The following LRP6 variants were observed in gnomAD, a reference collection of about 807,000 sequenced individuals.
LRP6 encodes LDL receptor related protein 6.
In LRP6, 43 loss-of-function variants were observed where a neutral mutation model predicts 184.1. The observed-to-expected ratio is 0.23, with a 90% CI of 0.18 to 0.30. The LOEUF (loss-of-function observed/expected upper bound fraction) is 0.30, where lower values mean the gene tolerates loss of function less well. Ranked by LOEUF, LRP6 falls within the 10% of genes least tolerant of loss-of-function variation. The pLI is 1.00. For synonymous variants in LRP6, 719 were observed against 684.9 expected (o/e 1.05, Z -0.78); for missense variants, 1,571 against 2,005.3 (o/e 0.78, Z 4.14).
intron 9 of LRP6, 43 bp downstream of exon 9, chr12:12,164,230 C>T: frequency 6.4e-7 from 1 of 1,567,318 alleles, no homozygotes. Context: ...TAGAAGTTCT[C>T]CCTTTTAGTC....
intron 3 of LRP6, among the ~76,000 whole-genome samples, chr12:12,193,234 G>A (rs893077087): frequency 1.3e-5 from 2 of 151,708 alleles, no homozygotes; most frequent in Admixed American, 6.6e-5. Flanking sequence ...ATATGGAAAC[G>A]TATATAGAAT....
chr12:12,129,254 T>C (rs922172022), intron 19 of LRP6, among the ~76,000 whole-genome samples: 1 of 152,216 alleles, frequency 6.6e-6, no homozygotes, highest in Non-Finnish European at 1.5e-5. Flanking sequence ...AACTTCTGTA[T>C]TGCTTGACCA....
At chr12:12,254,852 TG>T (rs1215579404) in intron 1 of LRP6, among the ~76,000 whole-genome samples, 1 of 152,190 alleles carries the variant, frequency 6.6e-6, no homozygotes, top group Non-Finnish European at 1.5e-5. Context: ...TAGAATATTT[TG>T]GGAACTTCAA....
chr12:12,145,538 C>T (rs1483954053), intron 15 of LRP6, among the ~76,000 whole-genome samples: 2 of 146,980 alleles, frequency 1.4e-5, no homozygotes, highest in African/African-American at 5.0e-5. Flanking sequence ...CTCCCTCCCC[C>T]TTCTCTCTTT....
chr12:12,198,405 T>C (rs1440198699), intron 3 of LRP6, among the ~76,000 whole-genome samples: 1 of 152,126 alleles, frequency 6.6e-6, no homozygotes, highest in East Asian at 1.9e-4. Context: ...AAATTTTTCC[T>C]CCTTTTCAAC....
At chr12:12,227,469 G>A (rs953366093) in intron 2 of LRP6, among the ~76,000 whole-genome samples, 60 of 150,336 alleles carry the variant, frequency 4.0e-4, no homozygotes, top group Non-Finnish European at 8.0e-4. Flanking sequence ...GTGCAACAGC[G>A]CAATCTCGCC....
chr12:12,233,779 T>G (rs1864854610), intron 2 of LRP6, among the ~76,000 whole-genome samples: 1 of 152,008 alleles, frequency 6.6e-6, no homozygotes, highest in Non-Finnish European at 1.5e-5. Flanking sequence ...CTAGAAAAAA[T>G]ATTTTTTAGA....
chr12:12,186,108 A>C (rs1008512253), intron 4 of LRP6, among the ~76,000 whole-genome samples: 1 of 152,096 alleles, frequency 6.6e-6, no homozygotes, highest in Non-Finnish European at 1.5e-5. Flanking sequence ...TTGGCCTCCC[A>C]AAGTGTGGGA....
intron 1 of LRP6, among the ~76,000 whole-genome samples, chr12:12,257,609 T>A (rs756905278): frequency 4.0e-5 from 5 of 124,394 alleles, no homozygotes; most frequent in South Asian, 2.6e-4. Flanking sequence ...AAGTACTTGA[T>A]AGAAAGGGCT....
At chr12:12,235,072 T>A (rs1864898579) in intron 2 of LRP6, among the ~76,000 whole-genome samples, 1 of 152,170 alleles carries the variant, frequency 6.6e-6, no homozygotes, top group South Asian at 2.1e-4. Context: ...ATTTTTGTAT[T>A]ATTTTTTACT....
At chr12:12,221,993 T>C (rs558076309) in intron 2 of LRP6, among the ~76,000 whole-genome samples, 4 of 152,330 alleles carry the variant, frequency 2.6e-5, no homozygotes, top group East Asian at 1.9e-4. Context: ...TATGTACTTA[T>C]ACCCTTCCAC....
At chr12:12,140,005 T>C (rs934148560) in intron 15 of LRP6, among the ~76,000 whole-genome samples, 3 of 152,106 alleles carry the variant, frequency 2.0e-5, no homozygotes, top group African/African-American at 4.8e-5. Flanking sequence ...GGAGTACTAA[T>C]TGAAAATATG....
At chr12:12,229,370 C>CAAAAAAAAA in intron 2 of LRP6, among the ~76,000 whole-genome samples, 1 of 61,384 alleles carries the variant, frequency 1.6e-5, no homozygotes, top group Non-Finnish European at 3.8e-5. Flanking sequence ...AACTCCATTT[C>CAAAAAAAAA]AAAAAAAAAA....
chr12:12,218,782 C>T (rs1029846190), intron 2 of LRP6, among the ~76,000 whole-genome samples: 4 of 151,976 alleles, frequency 2.6e-5, no homozygotes, highest in African/African-American at 4.8e-5. Flanking sequence ...TAAGCTATGA[C>T]CATGCCACTG....
At chr12:12,175,239 C>T (rs2136975406) in intron 7 of LRP6, among the ~76,000 whole-genome samples, 1 of 151,866 alleles carries the variant, frequency 6.6e-6, no homozygotes, top group South Asian at 2.1e-4. Context: ...AAATACAAAA[C>T]TTAGCTAGGC....
intron 2 of LRP6, among the ~76,000 whole-genome samples, chr12:12,231,666 A>C (rs966880013): frequency 6.6e-6 from 1 of 151,820 alleles, no homozygotes; most frequent in Non-Finnish European, 1.5e-5. Flanking sequence ...AAGTTTTTAG[A>C]TCAGCCCAGG....
chr12:12,120,021 A>C lies in LRP6; in HGVS notation c.*1105T>G, dbSNP rs1949580515. ...TATATATATATATATATATATATATATATATATATATATATATATATAAAT... is the reference window on the plus strand; with the variant it reads ...TATATATATATATATATATATATATCTATATATATATATATATATATAAAT... On this transcript the variant is annotated 3_prime_UTR_variant, in exon 23 of 23. Transcript: ENST00000261349. 9.1e-6 allele frequency: 1 copy of C among 110,272 alleles called. No homozygotes were observed. Among genetic ancestry groups the C allele is most frequent in the African/African-American group, 3.1e-5 (1 of 32,360 alleles). 6.8% of individuals were successfully genotyped at this position (110,272 alleles called of 1,614,324 possible). A position where few individuals can be genotyped will look rare whatever the true frequency, so the allele number is the denominator to read the frequency against.
intron 12 of LRP6, chr12:12,155,396 G>T: frequency 1.2e-6 from 1 of 805,558 alleles, no homozygotes; most frequent in South Asian, 1.3e-5. Flanking sequence ...TCAAGGGAAT[G>T]GGTACTGTTC....
intron 7 of LRP6, among the ~76,000 whole-genome samples, chr12:12,178,022 A>ATG (rs904265410): frequency 3.3e-5 from 5 of 152,080 alleles, no homozygotes; most frequent in African/African-American, 7.2e-5. Context: ...ATGTGTCTGT[A>ATG]TGTATATATA....
Sources: allele counts gnomAD v4.1 joint callset (sites outside exome capture counted in the v4.1 genomes callset), GRCh38; gene constraint gnomAD v4.1.1; transcripts MANE v1.5; gene names NCBI Gene and HGNC (gene_info 2026-07-23, HGNC 2026-07-21).